LINGO1: variants seen among roughly 807,000 people sequenced by gnomAD.
LINGO1 encodes leucine rich repeat and Ig domain containing 1.
LINGO1 carries 11 observed loss-of-function variants against 37.3 expected under a neutral mutation model. The ratio of observed to expected loss-of-function variants is 0.29; its 90% CI spans 0.19 to 0.49. LINGO1 has a LOEUF of 0.49. Ranked by LOEUF, LINGO1 falls within the 20% of genes least tolerant of loss-of-function variation. The pLI is 0.99. For synonymous variants in LINGO1, 387 were observed against 403.0 expected (o/e 0.96, Z 0.48); for missense variants, 585 against 878.2 (o/e 0.67, Z 4.22).
chr15:77,796,420 G>A (rs921275808), intron 1 of LINGO1, among the ~76,000 whole-genome samples: 2 of 152,292 alleles, frequency 1.3e-5, no homozygotes, highest in East Asian at 1.9e-4. Flanking sequence ...CCCACCATCC[G>A]GCTCTGTGGC....
intron 3 of LINGO1, among the ~76,000 whole-genome samples, chr15:77,663,119 C>T (rs981835788): frequency 1.3e-5 from 2 of 152,212 alleles, no homozygotes; most frequent in Non-Finnish European, 2.9e-5. Context: ...GAAGTCCTTC[C>T]TAATATCTAA....
At chr15:77,675,962 C>A (rs2141215345) in intron 3 of LINGO1, among the ~76,000 whole-genome samples, 1 of 152,366 alleles carries the variant, frequency 6.6e-6, no homozygotes, top group Non-Finnish European at 1.5e-5. Flanking sequence ...CCTTTCACAG[C>A]TCCATGCCTG....
upstream of LINGO1, among the ~76,000 whole-genome samples, chr15:77,632,956 CGAGT>C (rs2074311107): frequency 2.1e-5 from 3 of 145,278 alleles, no homozygotes; most frequent in African/African-American, 7.6e-5. The surrounding 1 kb of genome is among the most constrained non-coding windows in gnomAD (Gnocchi z 6.0). Flanking sequence ...GAGGAGGGAG[CGAGT>C]GAGCCGCGGG....
At chr15:77,616,262 C>T (rs1454015370) in intron 1 of LINGO1, among the ~76,000 whole-genome samples, 1 of 152,192 alleles carries the variant, frequency 6.6e-6, no homozygotes, top group Non-Finnish European at 1.5e-5. Context: ...TGGTGCTCAT[C>T]AGGGATAAAA....
At position 77,794,561 on chromosome 15, in the gene LINGO1, T is replaced by C. The variant is rs201338571; in HGVS notation, c.-343+1378A>G. Reference sequence around the variant, plus strand: ...ATATATACGTATATATGTGTATATATACACACACACATATATATATATATA... The same window carrying C: ...ATATATACGTATATATGTGTATATACACACACACACATATATATATATATA... On this transcript the variant is annotated intron_variant, in intron 2 of 5. Transcript: ENST00000562933. Among the ~76,000 whole-genome samples the C allele has an allele frequency of 2.9e-3, 311 of 107,610 alleles. 10 individuals are homozygous for C. The East Asian group carries it at 0.034, about 12-fold the overall frequency. The allele number at this position is 107,610 out of a possible 152,430, so 70.6% of individuals were successfully genotyped here.
intron 1 of LINGO1, among the ~76,000 whole-genome samples, chr15:77,695,533 G>A (rs868694206): frequency 1.3e-4 from 20 of 152,196 alleles, no homozygotes; most frequent in African/African-American, 3.6e-4. Context: ...CAGGCCCAAG[G>A]AGCCCCCAAT....
intron 1 of LINGO1, among the ~76,000 whole-genome samples, chr15:77,746,161 T>C (rs1039271408): frequency 6.1e-5 from 9 of 148,748 alleles, no homozygotes; most frequent in African/African-American, 2.0e-4. Flanking sequence ...TGAGTTGTGT[T>C]CATGCCACTG....
At chr15:77,638,651 G>C (rs1406021509), upstream of LINGO1, among the ~76,000 whole-genome samples, 5 of 152,336 alleles carry the variant, frequency 3.3e-5, no homozygotes, top group African/African-American at 9.6e-5. Context: ...CTGTTATTAA[G>C]TCAAAGGCAG....
intron 3 of LINGO1, among the ~76,000 whole-genome samples, chr15:77,650,998 A>G (rs1402748053): frequency 6.6e-6 from 1 of 152,102 alleles, no homozygotes; most frequent in Non-Finnish European, 1.5e-5. Context: ...ATCTGGCCTC[A>G]CTGGTAGGCT....
At chr15:77,760,106 G>C (rs1306215488) in intron 1 of LINGO1, among the ~76,000 whole-genome samples, 2 of 152,240 alleles carry the variant, frequency 1.3e-5, no homozygotes, top group African/African-American at 4.8e-5. Flanking sequence ...AATGACTCAT[G>C]CCTGTTTCCC....
intron 2 of LINGO1, among the ~76,000 whole-genome samples, chr15:77,721,613 T>G (rs986588504): frequency 6.6e-6 from 1 of 152,234 alleles, no homozygotes; most frequent in African/African-American, 2.4e-5. Context: ...ATTTGTTTAC[T>G]ATTGTATCCC....
chr15:77,701,609 G>T (rs945514223), intron 2 of LINGO1, among the ~76,000 whole-genome samples: 6 of 152,144 alleles, frequency 3.9e-5, no homozygotes, highest in Non-Finnish European at 7.4e-5. Flanking sequence ...ATTTATGAAT[G>T]GCTTGGTGCC....
At chr15:77,819,763 C>A (rs1292634493) in intron 1 of LINGO1, among the ~76,000 whole-genome samples, 1 of 150,996 alleles carries the variant, frequency 6.6e-6, no homozygotes, top group African/African-American at 2.4e-5. Context: ...GGCCCGGCTC[C>A]CGCACCCTGC....
chr15:77,797,955 A>T (rs1596241721), intron 1 of LINGO1, among the ~76,000 whole-genome samples: 1 of 152,284 alleles, frequency 6.6e-6, no homozygotes, highest in African/African-American at 2.4e-5. Flanking sequence ...TGGGCTGCAG[A>T]CTTCTCCAAG....
At chr15:77,773,244 G>A (rs1336524968) in intron 1 of LINGO1, among the ~76,000 whole-genome samples, 1 of 152,216 alleles carries the variant, frequency 6.6e-6, no homozygotes, top group Non-Finnish European at 1.5e-5. Context: ...GGACTCCTGG[G>A]AGGCTTTGGC....
rs11856978 is a variant in LINGO1 at position 77,620,829 on chromosome 15, C to T, written c.7-4929G>A. 1.6e-4 allele frequency among the ~76,000 whole-genome samples: 24 copies of T among 151,946 alleles called. No individual in the cohort carries two copies. The East Asian group carries it at 2.7e-3, about 17-fold the overall frequency. On this transcript the variant is annotated intron_variant, in intron 1 of 1. Coordinates refer to ENST00000355300, the MANE Select transcript of LINGO1 (RefSeq NM_032808.7). ...GCCCCCAGGGTCTCAGGGTGAAGGA[C>T]GGTAGTTAGGGGAGATGGAAGGGGC...
intron 1 of LINGO1, among the ~76,000 whole-genome samples, chr15:77,617,079 G>C (rs1386136872): frequency 6.6e-6 from 1 of 152,164 alleles, no homozygotes; most frequent in Non-Finnish European, 1.5e-5. Context: ...TGTTCAAGCT[G>C]AGCTCTGAAG....
intron 1 of LINGO1, among the ~76,000 whole-genome samples, chr15:77,742,357 G>A (rs772652891): frequency 2.0e-5 from 3 of 152,206 alleles, no homozygotes; most frequent in Non-Finnish European, 4.4e-5. Context: ...GCCTCACAGA[G>A]CCACTCGATG....
chr15:77,796,190 A>G (rs1208730100), intron 1 of LINGO1: 7 of 152,408 alleles, frequency 4.6e-5, no homozygotes, highest in Non-Finnish European at 7.3e-5. Flanking sequence ...CCCCCCACAC[A>G]CACTCTGACA....
Sources: gnomAD v4.1 joint callset for allele counts (sites outside exome capture counted in the v4.1 genomes callset) on GRCh38, gnomAD v4.1.1 for gene constraint, Gnocchi (gnomAD v3.1) non-coding constraint, MANE v1.5 for transcripts, NCBI Gene and HGNC (gene_info 2026-07-23, HGNC 2026-07-21) for gene names.